Variants in MBD1 observed in about 807,000 individuals in gnomAD.
MBD1 encodes the protein methyl-CpG binding domain protein 1.
MBD1 carries 25 observed loss-of-function variants against 82.6 expected under a neutral mutation model. The observed-to-expected ratio is 0.30, with a 90% CI of 0.22 to 0.42. MBD1 has a LOEUF of 0.42. Among genes scored for constraint, MBD1 ranks in the 10% least tolerant of loss-of-function variants. The probability of loss-of-function intolerance (pLI) is 1.00; values close to 1 mark genes in which losing one functional copy is unlikely to be tolerated. For missense variants in MBD1, 627 were observed against 819.6 expected, an observed-to-expected ratio of 0.76 and a Z score of 2.87; for synonymous variants, 301 against 303.7, an observed-to-expected ratio of 0.99 and a Z score of 0.09.
downstream of MBD1, chr18:50,267,607 C>A (rs1329247499): frequency 6.5e-7 from 1 of 1,535,826 alleles, no homozygotes. Flanking sequence ...CAGGACGGAC[C>A]TGCAGCACAG....
rs754481758 is a variant in MBD1, at chr18:50,275,976, C to T, written c.522G>A (p.Val174=). Residue 174 remains valine (V), a synonymous_variant, in exon 7 of 17, where the codon GTG becomes GTA. Transcript: ENST00000269468. ...FNREQRMFKR[V]GCGECAACQV... ...GGCAGGCTGCACACTCCCCACAGCC[C>T]ACACGCTGCCAGGAATGGTAGGGAC... 7.4e-6 allele frequency: 12 copies of T among 1,612,446 alleles called. No homozygotes were observed. In the South Asian group the frequency reaches 1.3e-4, roughly 18 times the overall value.
chr18:50,268,618 CCCCTGGCGGA>C (rs1344393587), downstream of MBD1, among the ~76,000 whole-genome samples: 4 of 152,238 alleles, frequency 2.6e-5, no homozygotes, highest in Non-Finnish European at 5.9e-5. Flanking sequence ...GCCCCGGCGC[CCCCTGGCGGA>C]CCCACCAGCA....
At chr18:50,276,536 A>G in intron 5 of MBD1, 118 bp from the exon 6 acceptor site, 1 of 1,440,108 alleles carries the variant, frequency 6.9e-7, no homozygotes. Context: ...GCTATCTCCA[A>G]TATCCAACCT....
Position 50,269,443 on chromosome 18 carries a change from T to C in MBD1, c.*408A>G. The C allele has an allele frequency of 1.3e-6, 1 of 799,702 alleles. No individual in the cohort carries two copies. 49.5% of individuals were successfully genotyped at this position (799,702 alleles called of 1,614,324 possible). On this transcript the variant is annotated 3_prime_UTR_variant, in exon 17 of 17. Transcript: ENST00000269468. The stretch of plus-strand genomic sequence containing the variant: ...AGGGCGGAAGTGAAGCAGCAGCACA[T>C]TGTTTTTACACTTGGAAGGTTGGTG...
rs780955049 is a variant in MBD1, at chr18:50,276,416, G to T, written c.478C>A (p.Gln160Lys). ...TGTTCCCGGTTGAAGGCAATTCTCT[G>T]TGCTGTGGGGAGGAAGAGGGAAGAA... ...LKTLCKDCRA[Q>K]RIAFNREQRM... Residue 160 changes from glutamine (Q) to lysine (K), a missense_variant and splice_region_variant, in exon 6 of 17, where the codon CAG becomes AAG. Around this residue, in one of 6 missense-constraint regions of MBD1, gnomAD observed 228 missense variants for 318.1 expected, o/e 0.72. Transcript: ENST00000269468. 6.2e-6 allele frequency: 10 copies of T among 1,614,116 alleles called. No individual in the cohort carries two copies. Among genetic ancestry groups the T allele is most frequent in the Non-Finnish European group, 8.5e-6 (10 of 1,179,992 alleles).
At chr18:50,274,019 G>GCAA (rs1236107556) in intron 11 of MBD1, among the ~76,000 whole-genome samples, 156 bp from the exon 12 acceptor site, 1 of 152,168 alleles carries the variant, frequency 6.6e-6, no homozygotes. Context: ...TCTCCTATTA[G>GCAA]CAACACCAAT....
chr18:50,273,828 C>T lies in MBD1; in HGVS notation c.1182G>A (p.Glu394=), dbSNP rs1436451817. The change falls in exon 12 of 17, where the codon GAG becomes GAA. Residue 394 remains glutamate, a synonymous_variant. Transcript: ENST00000269468. ...RLLPSVWSES[E]DGAGSPPPYR... is the part of the protein sequence containing the mutation. ...AAGGTGGGGGCGATCCTGCCCCATCCTCAGACTCTGACCAGACACTGGGCA... is the reference window on the plus strand; with the variant it reads ...AAGGTGGGGGCGATCCTGCCCCATCTTCAGACTCTGACCAGACACTGGGCA... The T allele has an allele frequency of 1.2e-6, 2 of 1,613,440 alleles. No homozygotes were observed. Among genetic ancestry groups the T allele is most frequent in the Middle Eastern group, 1.6e-4 (1 of 6,084 alleles).
intron 2 of MBD1, among the ~76,000 whole-genome samples, chr18:50,277,853 ATTT>A (rs2038644942): frequency 6.6e-6 from 1 of 152,124 alleles, no homozygotes; most frequent in Non-Finnish European, 1.5e-5. Context: ...TCTTAATATT[ATTT>A]AAAAAAAACC....
intron 11 of MBD1, 41 bp from the exon 12 acceptor site, chr18:50,273,904 G>A (rs748110167): frequency 3.7e-6 from 6 of 1,604,366 alleles, no homozygotes; most frequent in African/African-American, 1.3e-5. Context: ...CTGGTGTCCT[G>A]ACCAATCACA....
At position 50,269,232 on chromosome 18, in the gene MBD1, C is replaced by T. The variant is rs1206262840; in HGVS notation, c.*619G>A. ...TACTTGCTGGAATCACCATGAAATC[C>T]ATGGTCTTCAGCTTTGCATTTTCAG... On this transcript the variant is annotated 3_prime_UTR_variant, in exon 17 of 17. Transcript: ENST00000269468. 6 of 1,082,210 alleles carry T rather than the reference C, an allele frequency of 5.5e-6. No individual in the cohort carries two copies. The highest frequency in any genetic ancestry group is 1.5e-4 in the East Asian group (2 of 12,926). The allele number at this position is 1,082,210 out of a possible 1,614,324, so 67.0% of individuals were successfully genotyped here.
chr18:50,281,581 A>T, upstream of MBD1: 1 of 525,432 alleles, frequency 1.9e-6, no homozygotes, highest in East Asian at 3.1e-5. Context: ...GCACCTGCGC[A>T]CTATTGCCTC....
rs199625541 is a variant in MBD1, at chr18:50,274,361, G to C, written c.979-8C>G. On this transcript the variant is annotated splice_region_variant and splice_polypyrimidine_tract_variant and intron_variant, in intron 10 of 16. Transcript: ENST00000269468. ...GCGGTTCGTGTAGGGCTGCTGGGGTGGGGGGAATGGGTGGTGCTGTCAACT... is the reference window on the plus strand; with the variant it reads ...GCGGTTCGTGTAGGGCTGCTGGGGTCGGGGGAATGGGTGGTGCTGTCAACT... 4 of 1,609,944 alleles carry C rather than the reference G, an allele frequency of 2.5e-6. No homozygotes were observed. The highest frequency in any genetic ancestry group is 2.2e-5 in the East Asian group (1 of 44,812).
At chr18:50,274,043 ATT>A in intron 11 of MBD1, 141 bp downstream of exon 11, 1 of 1,368,792 alleles carries the variant, frequency 7.3e-7, no homozygotes, top group South Asian at 1.2e-5. Flanking sequence ...ACCTAGACTC[ATT>A]AAGCCAAGAA....
intron 12 of MBD1, 25 bp from the exon 13 acceptor site, chr18:50,273,496 A>C: frequency 6.2e-7 from 1 of 1,613,874 alleles, no homozygotes; most frequent in Non-Finnish European, 8.5e-7. Flanking sequence ...ATTGCAGCAG[A>C]CTTGGTCTCA....
At chr18:50,281,619 T>C, upstream of MBD1, 1 of 443,638 alleles carries the variant, frequency 2.3e-6, no homozygotes, top group Non-Finnish European at 4.0e-6. Flanking sequence ...ATAGGGAGGC[T>C]CCCGCGCCTA....
rs1471552071 is a variant in MBD1, at chr18:50,276,751, T to C, written c.393-7A>G. On this transcript the variant is annotated splice_region_variant and splice_polypyrimidine_tract_variant and intron_variant, in intron 4 of 16. Transcript: ENST00000269468. ...TCCACAGTTCTCACAGCACCTGGGA[T>C]GGGAAAGGCAGGTGTGGGGCTCCAA... 4 of 1,614,150 alleles carry C rather than the reference T, an allele frequency of 2.5e-6. No individual in the cohort carries two copies. Among genetic ancestry groups the C allele is most frequent in the African/African-American group, 2.7e-5 (2 of 75,024 alleles).
chr18:50,274,057 A>G, intron 11 of MBD1, 129 bp downstream of exon 11: 1 of 1,403,626 alleles, frequency 7.1e-7, no homozygotes, highest in Non-Finnish European at 1.0e-6. Flanking sequence ...AGCCAAGAAC[A>G]ATGTCTGTTA....
upstream of MBD1, chr18:50,281,735 C>T (rs1028051218): frequency 2.7e-6 from 1 of 367,408 alleles, no homozygotes; most frequent in Non-Finnish European, 4.9e-6. Context: ...CTGGCAGTTG[C>T]GGCTCTCCTC....
In MBD1 at chr18:50,276,867, G is replaced by A. The variant is rs766292412; in HGVS notation, c.357C>T (p.Asp119=). 1.9e-6 allele frequency: 3 copies of A among 1,614,256 alleles called. No homozygotes were observed. The highest frequency in any genetic ancestry group is 1.1e-5 in the South Asian group (1 of 91,088). ...GGAATGAAGCTGGGGCTGTGTCAGT[G>A]TCAGCCTTGGTCTCATCCCTCGGGG... The part of the protein sequence containing the change: ...KEAPRDETKA[D]TDTAPASFPA... The change falls in exon 4 of 17, where the codon GAC becomes GAT. Residue 119 remains aspartate, a synonymous_variant. Coordinates refer to ENST00000269468, the MANE Select transcript of MBD1 (RefSeq NM_015846.4).
Sources: gnomAD v4.1 joint callset for allele counts (sites outside exome capture counted in the v4.1 genomes callset) on GRCh38, gnomAD v4.1.1 for gene constraint, gnomAD v4.1.1 regional missense constraint, MANE v1.5 for transcripts, NCBI Gene and HGNC (gene_info 2026-07-23, HGNC 2026-07-21) for gene names.